Variants in SPATA17 observed in about 807,000 individuals in gnomAD.
SPATA17 encodes the protein spermatogenesis associated 17, also known as spermatogenesis-associated protein 17.
Under a neutral mutation model 62.2 loss-of-function variants are expected in SPATA17, and 53 were observed. That is an observed-to-expected ratio of 0.85 (90% confidence interval 0.68 to 1.07). The LOEUF (loss-of-function observed/expected upper bound fraction) is 1.07. Among genes scored for constraint, SPATA17 ranks in the 50% least tolerant of loss-of-function variants. The pLI is 0.00. For synonymous variants in SPATA17, 146 were observed against 146.8 expected (o/e 0.99, Z 0.04); for missense variants, 466 against 425.5 (o/e 1.10, Z -0.84).
intron 3 of SPATA17, among the ~76,000 whole-genome samples, chr1:217,659,327 T>A (rs1169639147): frequency 6.6e-6 from 1 of 151,914 alleles, no homozygotes; most frequent in Non-Finnish European, 1.5e-5. Flanking sequence ...AATGAAATTT[T>A]GAAATTAGGA....
intron 9 of SPATA17, among the ~76,000 whole-genome samples, chr1:217,848,818 G>A (rs961228531): frequency 1.3e-5 from 2 of 151,966 alleles, no homozygotes; most frequent in African/African-American, 4.8e-5. Flanking sequence ...CCTCTAGTCA[G>A]AAATCAAATT....
intron 9 of SPATA17, among the ~76,000 whole-genome samples, chr1:217,808,383 C>CACACACACACA (rs34932787): frequency 1.5e-5 from 1 of 68,830 alleles, no homozygotes; most frequent in Admixed American, 1.5e-4. Flanking sequence ...ACACACACAC[C>CACACACACACA]CCCCTCAGAA....
chr1:217,848,655 A>G (rs1163213654), intron 9 of SPATA17, among the ~76,000 whole-genome samples: 1 of 152,088 alleles, frequency 6.6e-6, no homozygotes, highest in Non-Finnish European at 1.5e-5. Flanking sequence ...GTAATTGATA[A>G]ATTGTTTTGA....
chr1:217,794,585 A>C (rs1275715668), intron 8 of SPATA17, among the ~76,000 whole-genome samples: 3 of 152,236 alleles, frequency 2.0e-5, no homozygotes, highest in Non-Finnish European at 2.9e-5. Flanking sequence ...AAGTAATTAA[A>C]AATGGCAATT....
At chr1:217,815,106 C>T (rs868291279) in intron 9 of SPATA17, among the ~76,000 whole-genome samples, 14 of 152,078 alleles carry the variant, frequency 9.2e-5, no homozygotes, top group Admixed American at 3.3e-4. Flanking sequence ...AAACCTATTG[C>T]CTTCACTCCC....
intron 9 of SPATA17, among the ~76,000 whole-genome samples, chr1:217,822,371 T>G (rs894276384): frequency 1.3e-4 from 19 of 151,778 alleles, no homozygotes; most frequent in Non-Finnish European, 1.9e-4. Flanking sequence ...AAAGACATGT[T>G]TTTTTATATC....
intron 7 of SPATA17, among the ~76,000 whole-genome samples, chr1:217,775,417 A>G (rs1673561445): frequency 6.6e-6 from 1 of 152,158 alleles, no homozygotes; most frequent in Non-Finnish European, 1.5e-5. Flanking sequence ...CTTTTTAAAA[A>G]TACAGGGCTG....
intron 9 of SPATA17, among the ~76,000 whole-genome samples, chr1:217,807,453 G>T (rs1674460707): frequency 6.6e-6 from 1 of 151,816 alleles, no homozygotes; most frequent in Non-Finnish European, 1.5e-5. Flanking sequence ...TACTCTCTAA[G>T]GACATTCCTA....
At chr1:217,837,369 GAC>G (rs1318394383) in intron 9 of SPATA17, among the ~76,000 whole-genome samples, 1 of 151,980 alleles carries the variant, frequency 6.6e-6, no homozygotes, top group African/African-American at 2.4e-5. Flanking sequence ...AATCAGAATG[GAC>G]AGTAATACTG....
rs1167060064 is a variant in SPATA17, at chr1:217,751,162, A to G, written c.519+9064A>G. Among the ~76,000 whole-genome samples the G allele has an allele frequency of 2.0e-5, 3 of 152,196 alleles. No individual in the cohort carries two copies. In the East Asian group the frequency reaches 5.8e-4, roughly 29 times the overall value. ...AGTGAGTTCACGTACAAAGATAAAA[A>G]CTAAGGCCTGTATATAGAAGCATAA... On this transcript the variant is annotated intron_variant, in intron 6 of 10. Transcript: ENST00000366933.
At chr1:217,822,463 G>C (rs1232176468) in intron 9 of SPATA17, among the ~76,000 whole-genome samples, 1 of 150,858 alleles carries the variant, frequency 6.6e-6, no homozygotes, top group Non-Finnish European at 1.5e-5. Flanking sequence ...TTTAGGTATA[G>C]ATTTTGTTTT....
intron 5 of SPATA17, among the ~76,000 whole-genome samples, chr1:217,697,417 C>G (rs1671484821): frequency 6.6e-6 from 1 of 152,190 alleles, no homozygotes; most frequent in African/African-American, 2.4e-5. Context: ...TTCTTGAGAA[C>G]AGCTAATTTG....
intron 9 of SPATA17, among the ~76,000 whole-genome samples, chr1:217,846,037 G>A (rs1675519063): frequency 1.3e-5 from 2 of 152,002 alleles, no homozygotes; most frequent in Non-Finnish European, 2.9e-5. Flanking sequence ...AGAACTTAAT[G>A]GAATATTGTG....
chr1:217,633,914 C>T (rs1355739745), intron 1 of SPATA17, among the ~76,000 whole-genome samples: 4 of 152,140 alleles, frequency 2.6e-5, no homozygotes, highest in African/African-American at 7.2e-5. Context: ...AATGTGGAAA[C>T]GAGAAGCTCC....
intron 4 of SPATA17, among the ~76,000 whole-genome samples, chr1:217,678,066 A>C (rs199957602): frequency 1.3e-5 from 2 of 152,078 alleles, no homozygotes; most frequent in East Asian, 3.9e-4. Flanking sequence ...CTTTTTTAGA[A>C]TGTTGATCAT....
intron 8 of SPATA17, among the ~76,000 whole-genome samples, chr1:217,788,501 G>C (rs562983247): frequency 1.3e-5 from 2 of 152,208 alleles, no homozygotes; most frequent in South Asian, 2.1e-4. Flanking sequence ...GATTATCCTA[G>C]ATTATCAGAG....
intron 5 of SPATA17, among the ~76,000 whole-genome samples, chr1:217,716,315 A>G (rs1672001610): frequency 6.6e-6 from 1 of 152,210 alleles, no homozygotes; most frequent in African/African-American, 2.4e-5. Flanking sequence ...GTCCTTTCAG[A>G]CTGCTAACAT....
intron 6 of SPATA17, among the ~76,000 whole-genome samples, chr1:217,752,329 T>C (rs1397114175): frequency 3.3e-5 from 5 of 152,126 alleles, no homozygotes; most frequent in African/African-American, 1.2e-4. Flanking sequence ...CACCTGGCAA[T>C]ATTTTTTATA....
intron 10 of SPATA17, among the ~76,000 whole-genome samples, chr1:217,866,305 G>T (rs1676009257): frequency 6.6e-6 from 1 of 152,142 alleles, no homozygotes; most frequent in Non-Finnish European, 1.5e-5. Context: ...TGGTTAAATT[G>T]TCTTTGACTA....
Sources: allele counts gnomAD v4.1 joint callset (sites outside exome capture counted in the v4.1 genomes callset), GRCh38; gene constraint gnomAD v4.1.1; transcripts MANE v1.5; gene names NCBI Gene and HGNC (gene_info 2026-07-23, HGNC 2026-07-21).